Variants in FRMD4A observed in about 807,000 individuals in gnomAD.
The protein encoded by FRMD4A is FERM domain-containing protein 4A.
A neutral mutation model predicts 129.1 loss-of-function variants in FRMD4A; 29 were observed. The observed-to-expected ratio is 0.22, with a 90% confidence interval of 0.17 to 0.31. FRMD4A has a LOEUF of 0.31. Ranked by LOEUF, FRMD4A falls within the 10% of genes least tolerant of loss-of-function variation. FRMD4A has a pLI of 1.00. For synonymous variants in FRMD4A, 634 were observed against 571.6 expected (o/e 1.11, Z -1.56); for missense variants, 1,272 against 1,375.8 (o/e 0.92, Z 1.19).
At chr10:14,142,594 A>C (rs1473311386) in intron 2 of FRMD4A, among the ~76,000 whole-genome samples, 2 of 152,252 alleles carry the variant, frequency 1.3e-5, no homozygotes, top group Admixed American at 6.5e-5. Context: ...CACTATTACC[A>C]TCCAGGACTT....
intron 12 of FRMD4A, among the ~76,000 whole-genome samples, chr10:13,718,899 T>C (rs1188510956): frequency 2.6e-5 from 4 of 152,198 alleles, no homozygotes; most frequent in African/African-American, 4.8e-5. Context: ...GACTCAAATT[T>C]CCTTGAGTAT....
chr10:13,657,135 G>A lies in FRMD4A; in HGVS notation c.2454C>T (p.Gly818=), dbSNP rs949273776. Residue 818 remains glycine (G), a synonymous_variant, in exon 22 of 25, where the codon GGC becomes GGT. Coordinates refer to ENST00000357447, the MANE Select transcript of FRMD4A (RefSeq NM_018027.5). ...GGCTCTGGCTGTGCAGGTACACACC[G>A]CCCCCCGCGCCCCCCGCGCCCCCCG... ...GGAGGAGGAG[G]GVYLHSQSQP... 31 of 1,393,844 alleles carry A rather than the reference G, an allele frequency of 2.2e-5. No homozygotes were observed. The highest frequency in any genetic ancestry group is 2.6e-5 in the South Asian group (2 of 77,480). The allele number at this position is 1,393,844 out of a possible 1,614,324, so 86.3% of individuals were successfully genotyped here.
At chr10:13,896,823 T>A (rs911859419) in intron 2 of FRMD4A, among the ~76,000 whole-genome samples, 3 of 152,192 alleles carry the variant, frequency 2.0e-5, no homozygotes, top group Non-Finnish European at 2.9e-5. Flanking sequence ...AATTGACAGA[T>A]AAAAAGCTTT....
At chr10:14,169,014 G>A (rs1564358621) in intron 2 of FRMD4A, among the ~76,000 whole-genome samples, 1 of 152,136 alleles carries the variant, frequency 6.6e-6, no homozygotes. Flanking sequence ...ACCCAACTGA[G>A]GTCAGTAGTT....
chr10:14,224,156 T>A (rs1408322846), intron 2 of FRMD4A, among the ~76,000 whole-genome samples: 4 of 152,058 alleles, frequency 2.6e-5, no homozygotes, highest in Non-Finnish European at 1.5e-5. Flanking sequence ...GCCTCTTCTC[T>A]GCCAAAAGAA....
chr10:13,660,002 C>T (rs1293673687), intron 20 of FRMD4A, among the ~76,000 whole-genome samples: 1 of 152,222 alleles, frequency 6.6e-6, no homozygotes, highest in Admixed American at 6.5e-5. Flanking sequence ...TCCGAGTGGA[C>T]TTTCACTTGC....
At chr10:14,000,430 T>C (rs1441703622) in intron 2 of FRMD4A, among the ~76,000 whole-genome samples, 2 of 151,698 alleles carry the variant, frequency 1.3e-5, no homozygotes, top group African/African-American at 4.8e-5. Flanking sequence ...GTGGATCACT[T>C]GAGGTCAGGA....
chr10:13,815,896 C>A (rs941801990), intron 3 of FRMD4A, among the ~76,000 whole-genome samples: 2 of 152,138 alleles, frequency 1.3e-5, no homozygotes, highest in African/African-American at 2.4e-5. Flanking sequence ...ACCATGGAAG[C>A]CTTCTGGAGA....
chr10:13,744,086 A>G (rs779010450), intron 9 of FRMD4A, among the ~76,000 whole-genome samples: 9 of 152,090 alleles, frequency 5.9e-5, no homozygotes, highest in Non-Finnish European at 1.0e-4. Flanking sequence ...GGATACATGA[A>G]ATGCATGGGT....
In FRMD4A at chr10:13,727,482, G is replaced by A. The variant is rs188307567; in HGVS notation, c.759+10362C>T. ...GGCCCCCAGCCTCAACAGTGATGGC[G>A]GTGGCTCCGGGGTCATCCTAGCTTC... On this transcript the variant is annotated intron_variant, in intron 12 of 24. Transcript: ENST00000357447. Among the ~76,000 whole-genome samples the A allele has an allele frequency of 2.7e-3, 404 of 152,280 alleles. 2 individuals carry two copies. Among genetic ancestry groups the A allele is most frequent in the Non-Finnish European group, 3.5e-3 (238 of 68,018 alleles).
At chr10:13,748,263 G>C (rs761322488) in intron 8 of FRMD4A, among the ~76,000 whole-genome samples, 1 of 152,162 alleles carries the variant, frequency 6.6e-6, no homozygotes, top group Non-Finnish European at 1.5e-5. Context: ...CTCCCTAAGA[G>C]CATTTGCGCT....
chr10:14,200,815 G>T (rs1290151742), intron 2 of FRMD4A, among the ~76,000 whole-genome samples: 2 of 152,144 alleles, frequency 1.3e-5, no homozygotes, highest in Non-Finnish European at 2.9e-5. Context: ...GGGAAGCGTG[G>T]CTCCAGTGTC....
chr10:14,214,110 G>A (rs1589176161), intron 2 of FRMD4A, among the ~76,000 whole-genome samples: 1 of 152,352 alleles, frequency 6.6e-6, no homozygotes, highest in East Asian at 1.9e-4. Context: ...GGCCTCCCCA[G>A]CCATGTGGAA....
chr10:14,192,389 A>C (rs1178107598), intron 2 of FRMD4A, among the ~76,000 whole-genome samples: 2 of 152,252 alleles, frequency 1.3e-5, no homozygotes, highest in Admixed American at 1.3e-4. Flanking sequence ...TAACCTAATT[A>C]GCTTAGAAGC....
chr10:13,786,341 AT>A (rs2092861932), intron 5 of FRMD4A, among the ~76,000 whole-genome samples: 1 of 152,246 alleles, frequency 6.6e-6, no homozygotes, highest in Admixed American at 6.5e-5. Context: ...ATCGTAGCTC[AT>A]GCCTGTAATC....
chr10:14,055,149 T>C (rs1161261418), intron 2 of FRMD4A, among the ~76,000 whole-genome samples: 2 of 152,000 alleles, frequency 1.3e-5, no homozygotes, highest in Non-Finnish European at 1.5e-5. Flanking sequence ...ATCCCAGGTC[T>C]ATATACTCTG....
intron 15 of FRMD4A, chr10:13,683,889 T>A (rs766105795): frequency 1.3e-5 from 2 of 152,076 alleles, no homozygotes; most frequent in Non-Finnish European, 2.9e-5. Context: ...TTTCTATTTT[T>A]AGTAGAGATG....
chr10:13,929,145 TTTTTTA>T (rs1354173780), intron 2 of FRMD4A, among the ~76,000 whole-genome samples: 1 of 151,742 alleles, frequency 6.6e-6, no homozygotes, highest in Non-Finnish European at 1.5e-5. Flanking sequence ...CCTGCAGGAG[TTTTTTA>T]TTTTTAAATT....
Position 14,093,175 on chromosome 10 carries a change from C to T in FRMD4A, c.46-234263G>A, listed in dbSNP as rs1012474997. ...GGTGGGTATTTGCAGGCTGCCTGCA[C>T]GGCTCAGCAGTTTCTGGAAACTGAC... On this transcript the variant is annotated intron_variant, in intron 2 of 24. Coordinates refer to ENST00000357447, the MANE Select transcript of FRMD4A (RefSeq NM_018027.5). 3.3e-5 allele frequency among the ~76,000 whole-genome samples: 5 copies of T among 152,172 alleles called. No homozygotes were observed. The South Asian group carries it at 8.3e-4, about 25-fold the overall frequency.
Sources: allele counts gnomAD v4.1 joint callset (sites outside exome capture counted in the v4.1 genomes callset), GRCh38; gene constraint gnomAD v4.1.1; transcripts MANE v1.5; gene names NCBI Gene and HGNC (gene_info 2026-07-23, HGNC 2026-07-21).